Variants in RARS1 observed in about 807,000 individuals in gnomAD.
RARS1 encodes arginine--tRNA ligase, cytoplasmic.
In RARS1, 75 loss-of-function variants were observed where a neutral mutation model predicts 78.7. The ratio of observed to expected loss-of-function variants is 0.95; its 90% confidence interval spans 0.79 to 1.15. The LOEUF (loss-of-function observed/expected upper bound fraction) is 1.15. Ranked by LOEUF, RARS1 falls within the 50% of genes most tolerant of loss-of-function variation. The pLI, the probability that RARS1 is intolerant of heterozygous loss-of-function variation, is 0.00. For missense variants in RARS1, 787 were observed against 787.5 expected, an observed-to-expected ratio of 1.00 and a Z score of 0.01; for synonymous variants, 273 against 268.2, an observed-to-expected ratio of 1.02 and a Z score of -0.18.
intron 9 of RARS1, among the ~76,000 whole-genome samples, chr5:168,502,384 A>ATATATTTTTTTTTTTT (rs1280220276): frequency 5.9e-4 from 75 of 127,204 alleles, no homozygotes; most frequent in African/African-American, 2.3e-3. Context: ...ATATATATAT[A>ATATATTTTTTTTTTTT]TTTTTTTTTT....
intron 11 of RARS1, among the ~76,000 whole-genome samples, chr5:168,508,226 G>C (rs1210060920): frequency 6.6e-6 from 1 of 151,854 alleles, no homozygotes; most frequent in Non-Finnish European, 1.5e-5. Flanking sequence ...TAATTCACTT[G>C]TCATATAATG....
Position 168,518,071 on chromosome 5 carries a change from C to CTTGTTTTTTTT in RARS1, c.1873+11_1873+12insGTTTTTTTTTT. Reference sequence around the variant, plus strand: ...GAAAGATAGACAGACTGGTGAGTGTCTTTTTTTTTTTTTTTTTTTTTTTTA... The same window carrying CTTGTTTTTTTT: ...GAAAGATAGACAGACTGGTGAGTGTCTTGTTTTTTTTTTTTTTTTTTTTTTTTTTTTTTTTA... On this transcript the variant is annotated intron_variant, in intron 14 of 14. Coordinates refer to ENST00000231572, the MANE Select transcript of RARS1 (RefSeq NM_002887.4). 1.3e-6 allele frequency: 1 copy of CTTGTTTTTTTT among 747,560 alleles called. No individual in the cohort carries two copies. The highest frequency in any genetic ancestry group is 1.6e-6 in the Non-Finnish European group (1 of 622,936). 46.3% of individuals were successfully genotyped at this position (747,560 alleles called of 1,614,324 possible).
intron 11 of RARS1, among the ~76,000 whole-genome samples, chr5:168,507,333 AT>A (rs1758468753): frequency 1.3e-5 from 2 of 152,138 alleles, no homozygotes; most frequent in Non-Finnish European, 2.9e-5. Flanking sequence ...CAGCTTTTCT[AT>A]TTTCTAATTT....
chr5:168,501,637 C>T (rs11743757), intron 8 of RARS1, among the ~76,000 whole-genome samples: 6 of 152,066 alleles, frequency 3.9e-5, no homozygotes, highest in East Asian at 1.9e-4. Flanking sequence ...GCAGGAGAAT[C>T]GCTTGAACCC....
intron 2 of RARS1, among the ~76,000 whole-genome samples, chr5:168,489,371 AC>A (rs1182478999): frequency 6.6e-6 from 1 of 152,196 alleles, no homozygotes; most frequent in Non-Finnish European, 1.5e-5. Flanking sequence ...TTTTAAAAAA[AC>A]ATGTTTGATT....
chr5:168,514,494 TCTTA>T (rs1354970547), intron 12 of RARS1, among the ~76,000 whole-genome samples: 1 of 152,216 alleles, frequency 6.6e-6, no homozygotes, highest in East Asian at 1.9e-4. Context: ...CTTCCAGTTT[TCTTA>T]CTGTTTTCCT....
At chr5:168,509,028 C>A (rs1286808015) in intron 11 of RARS1, among the ~76,000 whole-genome samples, 1 of 152,024 alleles carries the variant, frequency 6.6e-6, no homozygotes, top group Non-Finnish European at 1.5e-5. Context: ...TTCAGATACG[C>A]ATCCCTCATT....
At chr5:168,507,370 TAAAAA>T (rs1758469690) in intron 11 of RARS1, among the ~76,000 whole-genome samples, 1 of 152,182 alleles carries the variant, frequency 6.6e-6, no homozygotes, top group Admixed American at 6.5e-5. Flanking sequence ...ATTTATAAAA[TAAAAA>T]GGTAAATACA....
chr5:168,506,307 C>G (rs1758444125), intron 10 of RARS1, 108 bp downstream of exon 10: 2 of 969,800 alleles, frequency 2.1e-6, no homozygotes, highest in Admixed American at 2.8e-5. Flanking sequence ...TCCCCAAAGA[C>G]TAAGATTCAG....
intron 1 of RARS1, among the ~76,000 whole-genome samples, chr5:168,487,630 C>T (rs12521951): frequency 0.041 from 6,266 of 152,254 alleles, 437 homozygotes; most frequent in Admixed American, 0.18. Context: ...AGCTCAGCTC[C>T]TGGAACATAA....
At chr5:168,517,134 T>G (rs1758681740) in intron 13 of RARS1, among the ~76,000 whole-genome samples, 184 bp downstream of exon 13, 1 of 147,284 alleles carries the variant, frequency 6.8e-6, no homozygotes, top group African/African-American at 2.5e-5. Context: ...TTCTAAAGTG[T>G]TTTTTTTTGT....
At chr5:168,506,668 C>T (rs78039114) in intron 10 of RARS1, 54 bp from the exon 11 acceptor site, 1 of 1,129,514 alleles carries the variant, frequency 8.9e-7, no homozygotes, top group South Asian at 1.5e-5. Context: ...AGCCTTAAGT[C>T]TTTTTTTTTT....
At chr5:168,517,721 C>T (rs1758700252) in intron 13 of RARS1, 94 bp from the exon 14 acceptor site, 8 of 1,385,932 alleles carry the variant, frequency 5.8e-6, no homozygotes, top group African/African-American at 1.6e-5. Context: ...ATAGGAACTT[C>T]TTTTTAATCG....
chr5:168,503,550 A>G (rs1758372942), intron 9 of RARS1, among the ~76,000 whole-genome samples: 1 of 150,418 alleles, frequency 6.6e-6, no homozygotes, highest in African/African-American at 2.4e-5. Context: ...TAGTGCTCAA[A>G]TTGTTCCATT....
intron 5 of RARS1, chr5:168,495,096 G>C: frequency 1.4e-6 from 1 of 732,646 alleles, no homozygotes; most frequent in East Asian, 3.8e-5. Flanking sequence ...TTGTATACAT[G>C]AATTTGATTC....
intron 9 of RARS1, among the ~76,000 whole-genome samples, chr5:168,502,568 A>ATTTTTTTT (rs34271397): frequency 8.3e-6 from 1 of 121,190 alleles, no homozygotes; most frequent in Non-Finnish European, 1.7e-5. Context: ...TGATTCATGA[A>ATTTTTTTT]TTTTTTTTTT....
Position 168,494,624 on chromosome 5 carries a change from C to G in RARS1, c.553C>G (p.Leu185Val). ...CAGTCTTCTAGTGAATGGAGTTCAA[C>G]TACCTGCTCTGGGAGAGAATAAAAA... ...LTSLLVNGVQLPALGENKKVI... is the reference protein window; with the variant it reads ...LTSLLVNGVQVPALGENKKVI... The change falls in exon 5 of 15, where the codon CTA becomes GTA. Residue 185 changes from leucine to valine, a missense_variant. Physicochemically the swap from Leu to Val is conservative, Grantham distance 32. Transcript: ENST00000231572. The G allele has an allele frequency of 6.2e-7, 1 of 1,602,582 alleles. No individual in the cohort carries two copies. Among genetic ancestry groups the G allele is most frequent in the Non-Finnish European group, 8.5e-7 (1 of 1,169,642 alleles).
intron 7 of RARS1, among the ~76,000 whole-genome samples, chr5:168,499,768 T>C (rs17732057): frequency 0.043 from 6,538 of 152,232 alleles, 440 homozygotes; most frequent in Admixed American, 0.18. Flanking sequence ...CAAAGAAATA[T>C]CTAGATTTGT....
chr5:168,515,720 A>C (rs1234527873), intron 12 of RARS1, among the ~76,000 whole-genome samples: 1 of 152,240 alleles, frequency 6.6e-6, no homozygotes, highest in Non-Finnish European at 1.5e-5. Flanking sequence ...CCCTCTGGCC[A>C]TACTTCAATG....
Sources: allele counts gnomAD v4.1 joint callset (sites outside exome capture counted in the v4.1 genomes callset), GRCh38; gene constraint gnomAD v4.1.1; transcripts MANE v1.5; gene names NCBI Gene and HGNC (gene_info 2026-07-23, HGNC 2026-07-21).